The following RABGEF1 variants were observed in gnomAD, a reference collection of about 807,000 sequenced individuals.
RABGEF1 encodes RAB guanine nucleotide exchange factor 1, also known as rab5 GDP/GTP exchange factor.
A neutral mutation model predicts 57.3 loss-of-function variants in RABGEF1; 26 were observed. The ratio of observed to expected loss-of-function variants is 0.45; its 90% confidence interval spans 0.33 to 0.63. RABGEF1 has a LOEUF of 0.63. Ranked by LOEUF, RABGEF1 falls within the 20% of genes least tolerant of loss-of-function variation. RABGEF1 has a pLI of 0.02. For missense variants in RABGEF1, 464 were observed against 607.6 expected (o/e 0.76, Z 2.48); for synonymous variants, 185 against 210.7 (o/e 0.88, Z 1.06).
At chr7:66,670,390 A>G in the RABGEF1 span, among the ~76,000 whole-genome samples, 9 of 150,672 alleles carry the variant, frequency 6.0e-5, no homozygotes, top group Non-Finnish European at 1.2e-4. Context: ...AGAGGAGATG[A>G]CATATTGATG....
At chr7:66,734,467 A>G (rs1797698014) in intron 2 of RABGEF1, among the ~76,000 whole-genome samples, 1 of 151,362 alleles carries the variant, frequency 6.6e-6, no homozygotes, top group Non-Finnish European at 1.5e-5. Context: ...GTATTTTTGT[A>G]TTTTTTTTAG....
At chr7:66,752,962 A>G (rs540121491) in intron 1 of RABGEF1, among the ~76,000 whole-genome samples, 4 of 152,342 alleles carry the variant, frequency 2.6e-5, no homozygotes, top group South Asian at 2.1e-4. Context: ...GAAAACATCT[A>G]TTGAGCACCT....
chr7:66,726,068 A>G (rs1796551775), intron 2 of RABGEF1, among the ~76,000 whole-genome samples: 1 of 152,336 alleles, frequency 6.6e-6, no homozygotes, highest in Middle Eastern at 3.4e-3. Flanking sequence ...CACAGGGCAC[A>G]AGGCCACATC....
At chr7:66,730,016 A>T (rs1460579070) in intron 2 of RABGEF1, among the ~76,000 whole-genome samples, 1 of 152,230 alleles carries the variant, frequency 6.6e-6, no homozygotes, top group Admixed American at 6.5e-5. Flanking sequence ...TTCCAGTAGG[A>T]GGGAAGAGCT....
At chr7:66,777,980 A>G (rs909870828) in intron 3 of RABGEF1, among the ~76,000 whole-genome samples, 4 of 152,230 alleles carry the variant, frequency 2.6e-5, no homozygotes, top group African/African-American at 9.6e-5. Context: ...TAAAGACCTT[A>G]AAGTATTTTA....
chr7:66,801,778 C>T (rs1584260786), intron 7 of RABGEF1, among the ~76,000 whole-genome samples: 1 of 152,204 alleles, frequency 6.6e-6, no homozygotes, highest in South Asian at 2.1e-4. Context: ...CATCTGTTGA[C>T]AGACACCCTT....
chr7:66,760,507 G>A (rs1277440583), intron 1 of RABGEF1, among the ~76,000 whole-genome samples: 3 of 147,840 alleles, frequency 2.0e-5, no homozygotes, highest in Non-Finnish European at 3.0e-5. Flanking sequence ...GCAATGGCAC[G>A]GCCTCACTTC....
chr7:66,717,229 T>C (rs1421112416), intron 2 of RABGEF1, among the ~76,000 whole-genome samples: 1 of 152,206 alleles, frequency 6.6e-6, no homozygotes, highest in Non-Finnish European at 1.5e-5. Context: ...AGAATTACAG[T>C]ATGTACACCA....
intron 1 of RABGEF1, among the ~76,000 whole-genome samples, chr7:66,693,033 G>GA (rs1440644523): frequency 6.6e-6 from 1 of 152,174 alleles, no homozygotes; most frequent in African/African-American, 2.4e-5. Context: ...CCTAGCGGGG[G>GA]AAAAAAGCAG....
intron 1 of RABGEF1, among the ~76,000 whole-genome samples, chr7:66,684,508 G>A (rs1243552652): frequency 6.6e-6 from 1 of 152,158 alleles, no homozygotes; most frequent in East Asian, 1.9e-4. Context: ...AGGTTGGAAT[G>A]CAATGGCAGG....
At chr7:66,752,235 T>C (rs1463205591) in intron 1 of RABGEF1, among the ~76,000 whole-genome samples, 1 of 151,514 alleles carries the variant, frequency 6.6e-6, no homozygotes, top group East Asian at 1.9e-4. Flanking sequence ...GGCTCACGCC[T>C]GTAATCTCAG....
chr7:66,666,075 T>C, the RABGEF1 span: 1 of 152,328 alleles, frequency 6.6e-6, no homozygotes, highest in African/African-American at 2.4e-5. Flanking sequence ...GGTGGTTGTG[T>C]GCTGGGGAAA....
intron 2 of RABGEF1, among the ~76,000 whole-genome samples, chr7:66,728,620 A>T (rs139080855): frequency 0.014 from 2,096 of 151,918 alleles, no homozygotes; most frequent in East Asian, 0.084. Context: ...CTTCATTTTC[A>T]CCTCCATCCT....
chr7:66,798,098 C>T (rs1299826629), intron 6 of RABGEF1, among the ~76,000 whole-genome samples: 2 of 152,152 alleles, frequency 1.3e-5, no homozygotes, highest in East Asian at 3.8e-4. Context: ...GCCTGGGCAA[C>T]AGAGCAAGAC....
chr7:66,753,584 A>G (rs991104901), intron 1 of RABGEF1, among the ~76,000 whole-genome samples: 1 of 151,654 alleles, frequency 6.6e-6, no homozygotes, highest in Non-Finnish European at 1.5e-5. Flanking sequence ...TCTGTGTTCC[A>G]GTTGGGGTAG....
chr7:66,743,602 C>T (rs555233422), intron 1 of RABGEF1, among the ~76,000 whole-genome samples: 5 of 152,070 alleles, frequency 3.3e-5, no homozygotes, highest in Admixed American at 2.6e-4. Context: ...CCTGGGTTCA[C>T]GCCATTCTCC....
intron 1 of RABGEF1, among the ~76,000 whole-genome samples, chr7:66,705,477 G>T (rs1793913919): frequency 6.8e-6 from 1 of 146,372 alleles, no homozygotes; most frequent in Admixed American, 6.9e-5. Flanking sequence ...GAGAGAGAGA[G>T]AGAGAGAGAG....
chr7:66,677,261 C>T (rs532647707), upstream of RABGEF1, among the ~76,000 whole-genome samples: 2 of 152,152 alleles, frequency 1.3e-5, no homozygotes, highest in African/African-American at 4.8e-5. Context: ...ATGATAAAGG[C>T]CACGCCTGAA....
intron 1 of RABGEF1, among the ~76,000 whole-genome samples, chr7:66,695,411 G>T (rs1419657570): frequency 6.6e-6 from 1 of 152,212 alleles, no homozygotes. Context: ...CTCTGGAAGA[G>T]AGGCAGGAAG....
Sources: allele counts gnomAD v4.1 joint callset (sites outside exome capture counted in the v4.1 genomes callset), GRCh38; gene constraint gnomAD v4.1.1; transcripts MANE v1.5; gene names NCBI Gene and HGNC (gene_info 2026-07-23, HGNC 2026-07-21).